ATXN1: variants seen among roughly 807,000 people sequenced by gnomAD.
ATXN1 encodes the protein ataxin 1.
A neutral mutation model predicts 56.4 loss-of-function variants in ATXN1; 8 were observed. The observed-to-expected ratio is 0.14, with a 90% CI of 0.08 to 0.26. The LOEUF (loss-of-function observed/expected upper bound fraction) is 0.26. Ranked by LOEUF, ATXN1 falls within the 10% of genes least tolerant of loss-of-function variation. The pLI is 1.00. For missense variants in ATXN1, 987 were observed against 1,106.5 expected (o/e 0.89, Z 1.53); for synonymous variants, 514 against 494.6 (o/e 1.04, Z -0.52).
chr6:16,364,819 G>A (rs188393792), intron 6 of ATXN1, among the ~76,000 whole-genome samples: 4 of 149,792 alleles, frequency 2.7e-5, no homozygotes, highest in Non-Finnish European at 4.4e-5. Context: ...CAACATTTAC[G>A]TGCCAGGCAC....
At chr6:16,693,416 T>C (rs1196465559) in intron 2 of ATXN1, among the ~76,000 whole-genome samples, 4 of 152,150 alleles carry the variant, frequency 2.6e-5, no homozygotes, top group African/African-American at 4.8e-5. Flanking sequence ...TGAAAGGGCT[T>C]TGGAAGCTAA....
At chr6:16,475,546 T>G (rs1760309952) in intron 6 of ATXN1, among the ~76,000 whole-genome samples, 1 of 152,142 alleles carries the variant, frequency 6.6e-6, no homozygotes, top group Admixed American at 6.5e-5. Context: ...CAGACCTTCT[T>G]TATAGATGAA....
chr6:16,385,134 T>C (rs1249095082), intron 6 of ATXN1, among the ~76,000 whole-genome samples: 1 of 152,124 alleles, frequency 6.6e-6, no homozygotes, highest in East Asian at 1.9e-4. Flanking sequence ...AGGGAGCTCA[T>C]GCAGAGTCAC....
chr6:16,581,630 G>A (rs1762531955), intron 4 of ATXN1, among the ~76,000 whole-genome samples: 1 of 152,180 alleles, frequency 6.6e-6, no homozygotes, highest in Middle Eastern at 3.4e-3. Flanking sequence ...AAATGGAGGG[G>A]CTATTATTTA....
chr6:16,418,020 G>A (rs1361194552), intron 6 of ATXN1, among the ~76,000 whole-genome samples: 1 of 152,226 alleles, frequency 6.6e-6, no homozygotes, highest in Admixed American at 6.5e-5. Context: ...ATCAACGAAT[G>A]AAGGTAAAGC....
chr6:16,668,574 T>C (rs1307629647), intron 2 of ATXN1, among the ~76,000 whole-genome samples: 6 of 151,998 alleles, frequency 3.9e-5, no homozygotes, highest in Non-Finnish European at 8.8e-5. Flanking sequence ...GCTAGTTTAT[T>C]TGTGACTTTC....
At chr6:16,626,253 A>C (rs1339811083) in intron 3 of ATXN1, among the ~76,000 whole-genome samples, 1 of 152,212 alleles carries the variant, frequency 6.6e-6, no homozygotes, top group Non-Finnish European at 1.5e-5. Context: ...CTTGGTAACC[A>C]ATATAATCTA....
intron 6 of ATXN1, among the ~76,000 whole-genome samples, chr6:16,366,703 C>A (rs1382573076): frequency 6.6e-6 from 1 of 151,084 alleles, no homozygotes; most frequent in Admixed American, 6.6e-5. Flanking sequence ...ATCACTTGAA[C>A]CCGGGAGGTG....
intron 2 of ATXN1, among the ~76,000 whole-genome samples, chr6:16,674,739 CA>C (rs756999150): frequency 3.9e-5 from 6 of 152,028 alleles, no homozygotes; most frequent in Non-Finnish European, 8.8e-5. Context: ...AGGTTTAGCA[CA>C]GTGTAGACCA....
chr6:16,651,734 T>A (rs1019205317), intron 3 of ATXN1, among the ~76,000 whole-genome samples: 2 of 152,168 alleles, frequency 1.3e-5, no homozygotes, highest in African/African-American at 4.8e-5. Context: ...TGGGAGGAAG[T>A]TGGAAATCAT....
intron 2 of ATXN1, among the ~76,000 whole-genome samples, chr6:16,661,059 G>C (rs1054970915): frequency 6.6e-6 from 1 of 151,592 alleles, no homozygotes; most frequent in Non-Finnish European, 1.5e-5. Context: ...GGCTGGTCTT[G>C]AACTCCTGAC....
intron 2 of ATXN1, among the ~76,000 whole-genome samples, chr6:16,664,172 A>T (rs1350824148): frequency 6.6e-6 from 1 of 152,254 alleles, no homozygotes; most frequent in East Asian, 1.9e-4. Flanking sequence ...GCTACTAATT[A>T]ACACACAAAA....
At chr6:16,672,043 G>A (rs925502083) in intron 2 of ATXN1, among the ~76,000 whole-genome samples, 4 of 152,144 alleles carry the variant, frequency 2.6e-5, no homozygotes, top group African/African-American at 7.2e-5. Flanking sequence ...GAGGGTGCTC[G>A]TTAAAAGTAC....
At chr6:16,369,570 T>C (rs934220757) in intron 6 of ATXN1, among the ~76,000 whole-genome samples, 7 of 152,242 alleles carry the variant, frequency 4.6e-5, no homozygotes, top group African/African-American at 1.7e-4. Context: ...CTCTAGCATT[T>C]GCACGCAGCC....
intron 4 of ATXN1, among the ~76,000 whole-genome samples, chr6:16,531,056 C>G (rs1581825339): frequency 6.6e-6 from 1 of 152,204 alleles, no homozygotes; most frequent in African/African-American, 2.4e-5. Context: ...TTGTACAAAA[C>G]AATCAGCACA....
At chr6:16,494,278 T>C (rs1232134967) in intron 5 of ATXN1, among the ~76,000 whole-genome samples, 2 of 152,230 alleles carry the variant, frequency 1.3e-5, no homozygotes, top group Non-Finnish European at 2.9e-5. Context: ...GCGTTCCCTG[T>C]TCAGTCAACA....
chr6:16,618,507 G>A (rs1763260820), intron 3 of ATXN1, among the ~76,000 whole-genome samples: 2 of 152,210 alleles, frequency 1.3e-5, no homozygotes, highest in Non-Finnish European at 2.9e-5. Flanking sequence ...GAGGCAGATG[G>A]ATCACCTGAG....
At chr6:16,558,353 C>T (rs13205339) in intron 4 of ATXN1, among the ~76,000 whole-genome samples, 61,100 of 146,720 alleles carry the variant, frequency 0.42, 13,915 homozygotes, top group East Asian at 0.72. Context: ...ATATATGAAT[C>T]ATATCTCAAT....
chr6:16,458,496 G>A (rs139424374), intron 6 of ATXN1, among the ~76,000 whole-genome samples: 3 of 152,118 alleles, frequency 2.0e-5, no homozygotes, highest in African/African-American at 7.2e-5. Context: ...CTCCAAAAGC[G>A]AGCCCTTGGC....
Sources: allele counts gnomAD v4.1 joint callset (sites outside exome capture counted in the v4.1 genomes callset), GRCh38; gene constraint gnomAD v4.1.1; transcripts MANE v1.5; gene names NCBI Gene and HGNC (gene_info 2026-07-23, HGNC 2026-07-21).